ZBTB7C: variants seen among roughly 807,000 people sequenced by gnomAD.
The protein encoded by ZBTB7C is zinc finger and BTB domain containing 7C.
In ZBTB7C, 8 loss-of-function variants were observed where a neutral mutation model predicts 25.7. That is an observed-to-expected ratio of 0.31 (90% CI 0.18 to 0.56). The LOEUF (loss-of-function observed/expected upper bound fraction) is 0.56, where lower values mean the gene tolerates loss of function less well. ZBTB7C is among the 20% of genes least tolerant of loss of function. The probability of loss-of-function intolerance (pLI) is 0.91; values close to 1 mark genes in which losing one functional copy is unlikely to be tolerated. For synonymous variants in ZBTB7C, 394 were observed against 369.0 expected, an observed-to-expected ratio of 1.07 and a Z score of -0.78; for missense variants, 824 against 855.2, an observed-to-expected ratio of 0.96 and a Z score of 0.46.
chr18:48,365,941 G>A (rs1386665821), intron 1 of ZBTB7C, among the ~76,000 whole-genome samples: 1 of 152,214 alleles, frequency 6.6e-6, no homozygotes, highest in African/African-American at 2.4e-5. Context: ...GGCAGTCAGA[G>A]GGGCTTCCTA....
chr18:48,330,339 GA>G (rs2046315835), intron 2 of ZBTB7C, among the ~76,000 whole-genome samples: 1 of 152,132 alleles, frequency 6.6e-6, no homozygotes, highest in South Asian at 2.1e-4. Context: ...GGATGATGTG[GA>G]CTTTTAGGTA....
At chr18:48,128,453 C>A (rs1263376409) in intron 3 of ZBTB7C, among the ~76,000 whole-genome samples, 1 of 152,218 alleles carries the variant, frequency 6.6e-6, no homozygotes, top group African/African-American at 2.4e-5. Flanking sequence ...TGGAACCAAC[C>A]TAAGTGCCCA....
intron 3 of ZBTB7C, among the ~76,000 whole-genome samples, chr18:48,107,324 A>G (rs1042097048): frequency 6.6e-6 from 1 of 150,848 alleles, no homozygotes; most frequent in Non-Finnish European, 1.5e-5. Flanking sequence ...GAGGAGGGTG[A>G]AAGGCAATGG....
chr18:48,202,278 CA>C (rs2042469412), intron 2 of ZBTB7C, among the ~76,000 whole-genome samples: 1 of 152,152 alleles, frequency 6.6e-6, no homozygotes. Flanking sequence ...GCCTCATGGG[CA>C]GGGCTGGAGT....
intron 3 of ZBTB7C, among the ~76,000 whole-genome samples, chr18:48,162,888 C>A (rs1402112723): frequency 6.6e-6 from 1 of 152,152 alleles, no homozygotes; most frequent in African/African-American, 2.4e-5. Context: ...CAGGTAAGAC[C>A]TATGGGAGAA....
intron 3 of ZBTB7C, among the ~76,000 whole-genome samples, chr18:48,083,435 C>T (rs1454715240): frequency 6.6e-6 from 1 of 152,030 alleles, no homozygotes; most frequent in East Asian, 1.9e-4. Context: ...CCTGCCTGTC[C>T]TCACCCACCC....
chr18:48,029,098 T>G lies in ZBTB7C; in HGVS notation c.*162A>C. 2.7e-6 allele frequency: 3 copies of G among 1,092,464 alleles called. No homozygotes were observed. Among genetic ancestry groups the G allele is most frequent in the Non-Finnish European group, 3.7e-6 (3 of 812,170 alleles). 67.7% of individuals were successfully genotyped at this position (1,092,464 alleles called of 1,614,324 possible). On this transcript the variant is annotated 3_prime_UTR_variant, in exon 5 of 5. Transcript: ENST00000590800. The stretch of plus-strand genomic sequence containing the variant: ...AGACCAGCAAAAGGAGGCAGCTGCT[T>G]TAGGAGCCCGGGAAAATGCCATCAC...
chr18:48,098,065 A>G (rs770057137), intron 3 of ZBTB7C, among the ~76,000 whole-genome samples: 36 of 152,172 alleles, frequency 2.4e-4, no homozygotes, highest in Non-Finnish European at 4.3e-4. Context: ...ATTGGCAAAA[A>G]CAAAGAAACA....
rs566518504 is a variant in ZBTB7C, at chr18:48,295,442, G to A, written c.-79+42732C>T. Among the ~76,000 whole-genome samples, 25 of 152,244 alleles carry A rather than the reference G, an allele frequency of 1.6e-4. 1 individual carries two copies. In the South Asian group the frequency reaches 4.6e-3, roughly 28 times the overall value. On this transcript the variant is annotated intron_variant, in intron 2 of 4. Transcript: ENST00000590800. The stretch of plus-strand genomic sequence containing the variant: ...GCTCCTTCCAGAATGTTTCCTCTGC[G>A]TCATGTGAGGAAGGCGGGATCCAGT...
At chr18:48,237,762 A>G (rs948031379) in intron 2 of ZBTB7C, among the ~76,000 whole-genome samples, 5 of 152,206 alleles carry the variant, frequency 3.3e-5, no homozygotes, top group South Asian at 2.1e-4. Flanking sequence ...ATGTGTGCAC[A>G]TGGTTACCAT....
chr18:48,300,017 C>T (rs1337986636), intron 2 of ZBTB7C, among the ~76,000 whole-genome samples: 2 of 152,182 alleles, frequency 1.3e-5, no homozygotes, highest in Non-Finnish European at 2.9e-5. Flanking sequence ...AGTATGCACA[C>T]TTTAGTTGGG....
Position 48,142,574 on chromosome 18 carries a change from G to A in ZBTB7C, c.-17+43360C>T, listed in dbSNP as rs780964786. Among the ~76,000 whole-genome samples the A allele has an allele frequency of 3.3e-5, 5 of 152,170 alleles. No homozygotes were observed. In the East Asian group the frequency reaches 5.8e-4, roughly 18 times the overall value. ...CAGGGCCTCACCCTCCTCCCAGACT[G>A]TATCAGGTAACACCATCAGGCACCC... On this transcript the variant is annotated intron_variant, in intron 3 of 4. Coordinates refer to ENST00000590800, the MANE Select transcript of ZBTB7C (RefSeq NM_001318841.2).
intron 3 of ZBTB7C, among the ~76,000 whole-genome samples, chr18:48,141,426 G>A (rs567778542): frequency 3.9e-5 from 6 of 152,124 alleles, no homozygotes; most frequent in Admixed American, 2.0e-4. Context: ...TTACTGTATC[G>A]TGCCTGGTAT....
intron 2 of ZBTB7C, among the ~76,000 whole-genome samples, chr18:48,337,924 T>C (rs536069784): frequency 2.0e-5 from 3 of 152,280 alleles, no homozygotes; most frequent in African/African-American, 7.2e-5. Flanking sequence ...CATAAAGGCA[T>C]CAGGCCTTCC....
intron 2 of ZBTB7C, among the ~76,000 whole-genome samples, chr18:48,247,507 G>T (rs1338992299): frequency 6.6e-6 from 1 of 152,150 alleles, no homozygotes; most frequent in East Asian, 1.9e-4. Flanking sequence ...TCTCAACTTT[G>T]TGGCTTCCCA....
At chr18:48,333,789 C>A (rs1281269757) in intron 2 of ZBTB7C, among the ~76,000 whole-genome samples, 1 of 152,188 alleles carries the variant, frequency 6.6e-6, no homozygotes, top group Non-Finnish European at 1.5e-5. Flanking sequence ...GGCAGCAACA[C>A]GAGTGACCCA....
At chr18:48,048,745 TC>T (rs937340228) in intron 3 of ZBTB7C, among the ~76,000 whole-genome samples, 1 of 152,108 alleles carries the variant, frequency 6.6e-6, no homozygotes, top group African/African-American at 2.4e-5. Context: ...TTTGCAGAGA[TC>T]TACGCTATTG....
chr18:48,088,625 C>T (rs961034379), intron 3 of ZBTB7C, among the ~76,000 whole-genome samples: 3 of 151,782 alleles, frequency 2.0e-5, no homozygotes, highest in Non-Finnish European at 2.9e-5. Flanking sequence ...GTCAGGAGTT[C>T]AAGACCAGCC....
rs372030495 is a variant in ZBTB7C, at chr18:48,406,897, A to G, written c.-304+2329T>C. 1.5e-4 allele frequency among the ~76,000 whole-genome samples: 23 copies of G among 152,376 alleles called. No individual in the cohort carries two copies. In the South Asian group the frequency reaches 1.7e-3, roughly 11 times the overall value. ...TATGGTTTTGGAGGAAAAAGTTCAC[A>G]TAACAATCACTCTGGTTATCATTCA... On this transcript the variant is annotated intron_variant, in intron 1 of 4. Coordinates refer to ENST00000590800, the MANE Select transcript of ZBTB7C (RefSeq NM_001318841.2).
Sources: allele counts gnomAD v4.1 joint callset (sites outside exome capture counted in the v4.1 genomes callset), GRCh38; gene constraint gnomAD v4.1.1; transcripts MANE v1.5; gene names NCBI Gene and HGNC (gene_info 2026-07-23, HGNC 2026-07-21).